FMNL2: variants seen among roughly 807,000 people sequenced by gnomAD.
FMNL2 encodes the protein formin like 2, also known as formin-like protein 2.
In FMNL2, 51 loss-of-function variants were observed where a neutral mutation model predicts 130.2. That is an observed-to-expected ratio of 0.39 (90% CI 0.31 to 0.49). FMNL2 has a LOEUF of 0.49. FMNL2 is among the 20% of genes least tolerant of loss of function. The pLI is 0.85. For missense variants in FMNL2, 977 were observed against 1,316.2 expected (o/e 0.74, Z 3.99); for synonymous variants, 465 against 467.1 (o/e 1.00, Z 0.06).
intron 1 of FMNL2, among the ~76,000 whole-genome samples, chr2:152,449,405 T>C (rs1215931750): frequency 1.3e-5 from 2 of 152,208 alleles, no homozygotes; most frequent in Admixed American, 6.5e-5. Flanking sequence ...CAAAATTAAT[T>C]AACAGTGTAA....
At chr2:152,535,391 A>G (rs1197973497) in intron 2 of FMNL2, among the ~76,000 whole-genome samples, 1 of 152,174 alleles carries the variant, frequency 6.6e-6, no homozygotes, top group African/African-American at 2.4e-5. Context: ...GGTTCCTTTG[A>G]TCATCTCAGT....
chr2:152,405,966 A>G (rs1303014889), intron 1 of FMNL2, among the ~76,000 whole-genome samples: 2 of 152,234 alleles, frequency 1.3e-5, no homozygotes, highest in African/African-American at 2.4e-5. Flanking sequence ...AGGGGGATGT[A>G]GAAGAGTAAG....
At chr2:152,552,410 GA>G (rs1694983690) in intron 4 of FMNL2, among the ~76,000 whole-genome samples, 1 of 152,064 alleles carries the variant, frequency 6.6e-6, no homozygotes, top group African/African-American at 2.4e-5. Flanking sequence ...AATTAAAAAG[GA>G]GGGATTACAT....
At chr2:152,447,063 A>T (rs192683399) in intron 1 of FMNL2, among the ~76,000 whole-genome samples, 1 of 151,708 alleles carries the variant, frequency 6.6e-6, no homozygotes, top group Non-Finnish European at 1.5e-5. Flanking sequence ...AAAAAAAGAG[A>T]CTTTGTCAAT....
At chr2:152,352,232 G>A (rs1308147053) in intron 1 of FMNL2, among the ~76,000 whole-genome samples, 3 of 152,146 alleles carry the variant, frequency 2.0e-5, no homozygotes, top group Non-Finnish European at 4.4e-5. Flanking sequence ...TGGATTTCAT[G>A]CATGTTCAGT....
At chr2:152,501,920 C>T (rs1450639517) in intron 1 of FMNL2, among the ~76,000 whole-genome samples, 2 of 152,100 alleles carry the variant, frequency 1.3e-5, no homozygotes, top group Admixed American at 6.5e-5. Context: ...TTATAGTTTC[C>T]GGAAGGAGAA....
intron 3 of FMNL2, 22 bp downstream of exon 3, chr2:152,542,841 T>A (rs1318214345): frequency 6.2e-7 from 1 of 1,610,600 alleles, no homozygotes; most frequent in Non-Finnish European, 8.5e-7. Context: ...TTGTTTCCAC[T>A]CTTTGTTATT....
At chr2:152,463,908 T>C (rs1458525691) in intron 1 of FMNL2, among the ~76,000 whole-genome samples, 1 of 152,112 alleles carries the variant, frequency 6.6e-6, no homozygotes, top group East Asian at 1.9e-4. Flanking sequence ...TGTTTGATGG[T>C]TAATTTTCTT....
At chr2:152,506,087 G>C (rs1692152704) in intron 1 of FMNL2, among the ~76,000 whole-genome samples, 1 of 152,172 alleles carries the variant, frequency 6.6e-6, no homozygotes, top group South Asian at 2.1e-4. Flanking sequence ...GGTAACTAGG[G>C]TGCTGCGTAC....
intron 1 of FMNL2, among the ~76,000 whole-genome samples, chr2:152,405,422 C>T (rs1342070066): frequency 1.3e-5 from 2 of 152,204 alleles, no homozygotes; most frequent in Non-Finnish European, 2.9e-5. Context: ...TGTCCTTGTT[C>T]TGGAGAAAGG....
rs1223480903 is a variant in FMNL2 at position 152,603,305 on chromosome 2, C to G, written c.877-4034C>G. Among the ~76,000 whole-genome samples the G allele has an allele frequency of 4.6e-5, 7 of 151,930 alleles. 1 individual carries two copies. Among genetic ancestry groups the G allele is most frequent in the Admixed American group, 4.6e-4 (7 of 15,258 alleles). ...TCACTCTGTTGCTTTCAAGGTTTCCCAAAGCCGGCATTTGTATTCATAATG... is the reference window on the plus strand; with the variant it reads ...TCACTCTGTTGCTTTCAAGGTTTCCGAAAGCCGGCATTTGTATTCATAATG... On this transcript the variant is annotated intron_variant, in intron 9 of 25. Coordinates refer to ENST00000288670, the MANE Select transcript of FMNL2 (RefSeq NM_052905.4).
chr2:152,442,852 T>C (rs998314551), intron 1 of FMNL2, among the ~76,000 whole-genome samples: 2 of 152,152 alleles, frequency 1.3e-5, no homozygotes, highest in Non-Finnish European at 2.9e-5. Flanking sequence ...GTTAAAACAC[T>C]AATTACTGGG....
intron 9 of FMNL2, among the ~76,000 whole-genome samples, chr2:152,600,334 G>A (rs1372788570): frequency 6.6e-6 from 1 of 152,128 alleles, no homozygotes; most frequent in Non-Finnish European, 1.5e-5. Flanking sequence ...TTAAGCAAAG[G>A]GCCTTTAATT....
chr2:152,539,626 A>G (rs1558947839), intron 2 of FMNL2, among the ~76,000 whole-genome samples: 1 of 152,256 alleles, frequency 6.6e-6, no homozygotes, highest in Admixed American at 6.5e-5. Flanking sequence ...CAAATGCTAA[A>G]TAAGCATATT....
Position 152,449,737 on chromosome 2 carries a change from A to G in FMNL2, c.118-72206A>G, listed in dbSNP as rs1036772801. Reference sequence around the variant, plus strand: ...CTTTTTAGAATACAGACAGTCGTCAAAAAAATCCAAAGACTTTAGAAAATG... The same window carrying G: ...CTTTTTAGAATACAGACAGTCGTCAGAAAAATCCAAAGACTTTAGAAAATG... On this transcript the variant is annotated intron_variant, in intron 1 of 25. Transcript: ENST00000288670. Among the ~76,000 whole-genome samples, 3 of 152,222 alleles carry G rather than the reference A, an allele frequency of 2.0e-5. No homozygotes were observed. In the South Asian group the frequency reaches 6.2e-4, roughly 31 times the overall value.
intron 1 of FMNL2, among the ~76,000 whole-genome samples, chr2:152,356,512 A>G (rs1228951107): frequency 6.6e-6 from 1 of 152,198 alleles, no homozygotes; most frequent in African/African-American, 2.4e-5. Context: ...TGAATTCTGG[A>G]TTTGCAAATT....
intron 6 of FMNL2, among the ~76,000 whole-genome samples, chr2:152,565,511 C>T (rs1695786347): frequency 6.6e-6 from 1 of 152,166 alleles, no homozygotes; most frequent in Non-Finnish European, 1.5e-5. Context: ...AAGATTCACC[C>T]TTGCTATTGA....
intron 2 of FMNL2, among the ~76,000 whole-genome samples, chr2:152,528,397 G>A (rs1011865710): frequency 1.3e-5 from 2 of 152,108 alleles, no homozygotes; most frequent in African/African-American, 4.8e-5. Context: ...TGTTGACTGG[G>A]CCTTGTTCCC....
At chr2:152,592,829 C>G (rs994111642) in intron 9 of FMNL2, among the ~76,000 whole-genome samples, 2 of 152,196 alleles carry the variant, frequency 1.3e-5, no homozygotes, top group African/African-American at 4.8e-5. Context: ...CATAACATGT[C>G]TCACATTCCA....
Sources: gnomAD v4.1 joint callset for allele counts (sites outside exome capture counted in the v4.1 genomes callset) on GRCh38, gnomAD v4.1.1 for gene constraint, MANE v1.5 for transcripts, NCBI Gene and HGNC (gene_info 2026-07-23, HGNC 2026-07-21) for gene names.